FAM200B: variants seen among roughly 807,000 people sequenced by gnomAD.
The protein encoded by FAM200B is zinc finger BED-type containing 11.
A neutral mutation model predicts 33.1 loss-of-function variants in FAM200B; 32 were observed. The observed-to-expected ratio is 0.97, with a 90% confidence interval of 0.73 to 1.30. FAM200B has a LOEUF of 1.30. FAM200B is among the 50% of genes most tolerant of loss of function. FAM200B has a pLI of 0.00. For missense variants in FAM200B, 741 were observed against 754.0 expected (o/e 0.98, Z 0.20); for synonymous variants, 240 against 264.8 (o/e 0.91, Z 0.91).
At chr4:15,644,906 G>A in the FAM200B span, among the ~76,000 whole-genome samples, 31 of 152,282 alleles carry the variant, frequency 2.0e-4, no homozygotes, top group Non-Finnish European at 3.5e-4. Context: ...GAAGATGTTG[G>A]TTTGCATTCT....
the FAM200B span, among the ~76,000 whole-genome samples, chr4:15,665,459 C>T: frequency 6.6e-6 from 1 of 152,096 alleles, no homozygotes; most frequent in Admixed American, 6.5e-5. Flanking sequence ...GGAATTACCC[C>T]AACCAATTCA....
the FAM200B span, among the ~76,000 whole-genome samples, chr4:15,649,631 A>G: frequency 3.3e-5 from 5 of 151,820 alleles, no homozygotes; most frequent in Non-Finnish European, 7.4e-5. Flanking sequence ...AATATACACA[A>G]TTTAACTTTT....
the FAM200B span, among the ~76,000 whole-genome samples, chr4:15,676,617 C>T: frequency 6.6e-6 from 1 of 151,668 alleles, no homozygotes; most frequent in Admixed American, 6.6e-5. Flanking sequence ...AAAAATGTTA[C>T]AGGGTCATAC....
chr4:15,640,625 GT>G, the FAM200B span, among the ~76,000 whole-genome samples: 49 of 145,028 alleles, frequency 3.4e-4, no homozygotes, highest in Non-Finnish European at 5.8e-4. Flanking sequence ...CAAAACAAAC[GT>G]TTTTTTTTTC....
the FAM200B span, among the ~76,000 whole-genome samples, chr4:15,641,330 T>C: frequency 1.3e-5 from 2 of 151,592 alleles, no homozygotes; most frequent in African/African-American, 4.9e-5. Flanking sequence ...GTTCACTTAA[T>C]TACCGATTTT....
the FAM200B span, among the ~76,000 whole-genome samples, chr4:15,660,518 C>CA: frequency 1.3e-5 from 2 of 152,130 alleles, no homozygotes. Context: ...GTTCACTGAC[C>CA]AATAGCCTGG....
At chr4:15,671,373 C>T in the FAM200B span, among the ~76,000 whole-genome samples, 26 of 152,094 alleles carry the variant, frequency 1.7e-4, no homozygotes, top group East Asian at 4.3e-3. Flanking sequence ...TACCTTTTTG[C>T]CCCTAGTCCA....
the FAM200B span, chr4:15,644,392 A>C: frequency 4.3e-4 from 406 of 953,126 alleles, no homozygotes; most frequent in South Asian, 5.4e-4. Flanking sequence ...AATTTTTTTC[A>C]ACATTACATC....
chr4:15,652,928 C>T, the FAM200B span, among the ~76,000 whole-genome samples: 5 of 152,128 alleles, frequency 3.3e-5, no homozygotes, highest in Admixed American at 3.3e-4. Context: ...CAAAGGATGG[C>T]AAAACGTGAG....
the FAM200B span, among the ~76,000 whole-genome samples, chr4:15,673,700 C>T: frequency 1.3e-5 from 2 of 152,186 alleles, no homozygotes; most frequent in Non-Finnish European, 2.9e-5. Flanking sequence ...CAATACTTAC[C>T]TGAAGAATCA....
the FAM200B span, among the ~76,000 whole-genome samples, chr4:15,641,232 G>C: frequency 6.6e-6 from 1 of 151,992 alleles, no homozygotes; most frequent in African/African-American, 2.4e-5. Context: ...TATCATTACA[G>C]AATCCCTTTA....
the FAM200B span, among the ~76,000 whole-genome samples, chr4:15,641,829 C>A: frequency 4.6e-5 from 7 of 151,994 alleles, no homozygotes; most frequent in Admixed American, 4.6e-4. Context: ...GAGTTCAAGA[C>A]CAGCCAGCCC....
the FAM200B span, among the ~76,000 whole-genome samples, chr4:15,662,129 C>T: frequency 6.6e-6 from 1 of 150,522 alleles, no homozygotes; most frequent in African/African-American, 2.4e-5. Context: ...AGAACAACCC[C>T]AGTACAGTGT....
At chr4:15,647,222 C>CAAAAA in the FAM200B span, among the ~76,000 whole-genome samples, 172 of 35,656 alleles carry the variant, frequency 4.8e-3, no homozygotes, top group East Asian at 0.013. Context: ...GACTCCATCT[C>CAAAAA]AAAAAAAAAA....
the FAM200B span, among the ~76,000 whole-genome samples, chr4:15,659,401 T>C: frequency 1.3e-5 from 2 of 152,196 alleles, no homozygotes; most frequent in African/African-American, 4.8e-5. Flanking sequence ...TTTAAAGGGT[T>C]CTCATTTTGA....
upstream of FAM200B, chr4:15,681,811 G>C (rs1718308744): frequency 6.5e-6 from 1 of 152,904 alleles, no homozygotes; most frequent in Non-Finnish European, 1.5e-5. Context: ...GTTGCGGAGG[G>C]AAGTGTGGGG....
At chr4:15,660,769 A>T in the FAM200B span, among the ~76,000 whole-genome samples, 1 of 152,254 alleles carries the variant, frequency 6.6e-6, no homozygotes, top group African/African-American at 2.4e-5. Context: ...GTCACCAGTC[A>T]TCCAGATAAG....
Position 15,688,204 on chromosome 4 carries a change from C to G in FAM200B, c.1227C>G (p.Leu409=), listed in dbSNP as rs528598383. The G allele has an allele frequency of 3.9e-6, 6 of 1,549,628 alleles. No individual in the cohort carries two copies. In the African/African-American group the frequency reaches 8.2e-5, roughly 21 times the overall value. The change falls in exon 2 of 2, where the codon CTC becomes CTG. Residue 409 remains leucine, a synonymous_variant. Transcript: ENST00000422728. Reference sequence around the variant, plus strand: ...TCAGGAATGAGATTCACTTTTTTCTCATTGAAAAAAAATCTCATTTGGCAA... The same window carrying G: ...TCAGGAATGAGATTCACTTTTTTCTGATTGAAAAAAAATCTCATTTGGCAA... ...YELRNEIHFF[L]IEKKSHLASI...
At chr4:15,643,344 A>G in the FAM200B span, among the ~76,000 whole-genome samples, 2 of 152,218 alleles carry the variant, frequency 1.3e-5, no homozygotes, top group Non-Finnish European at 2.9e-5. Context: ...GTGGCTTAAC[A>G]GAGTTGTAAC....
Sources: gnomAD v4.1 joint callset for allele counts (sites outside exome capture counted in the v4.1 genomes callset) on GRCh38, gnomAD v4.1.1 for gene constraint, MANE v1.5 for transcripts, NCBI Gene and HGNC (gene_info 2026-07-23, HGNC 2026-07-21) for gene names.